RBM20: variants seen among roughly 807,000 people sequenced by gnomAD.
RBM20 encodes RNA-binding protein 20.
RBM20 carries 51 observed loss-of-function variants against 110.1 expected under a neutral mutation model. The observed-to-expected ratio is 0.46, with a 90% CI of 0.37 to 0.59. The LOEUF is 0.59. Ranked by LOEUF, RBM20 falls within the 20% of genes least tolerant of loss-of-function variation. The pLI, the probability that RBM20 is intolerant of heterozygous loss-of-function variation, is 0.00. For synonymous variants in RBM20, 589 were observed against 618.2 expected (o/e 0.95, Z 0.70); for missense variants, 1,512 against 1,574.9 (o/e 0.96, Z 0.68).
intron 1 of RBM20, among the ~76,000 whole-genome samples, chr10:110,667,437 T>C (rs1213323304): frequency 1.3e-5 from 2 of 152,130 alleles, no homozygotes; most frequent in South Asian, 2.1e-4. Flanking sequence ...TATTTTGTCA[T>C]GTGGCTTGAT....
At chr10:110,801,077 T>A (rs112338804) in intron 7 of RBM20, among the ~76,000 whole-genome samples, 7 of 152,326 alleles carry the variant, frequency 4.6e-5, no homozygotes, top group African/African-American at 1.2e-4. Flanking sequence ...CTTTCCTAGA[T>A]GATAGCAAGC....
In RBM20 at chr10:110,752,437, A is replaced by G. The variant is rs138894601; in HGVS notation, c.192-28364A>G. On this transcript the variant is annotated intron_variant, in intron 1 of 13. Coordinates refer to ENST00000369519, the MANE Select transcript of RBM20 (RefSeq NM_001134363.3). ...TGAATGTATTACAGTTTATTTAGCC[A>G]TTCACCTGCTGAAAGACATCTTGGT... Among the ~76,000 whole-genome samples, 258 of 152,328 alleles carry G rather than the reference A, an allele frequency of 1.7e-3. 1 individual carries two copies. The highest frequency in any genetic ancestry group is 5.7e-3 in the African/African-American group (237 of 41,578).
intron 6 of RBM20, 57 bp downstream of exon 6, chr10:110,797,705 G>A (rs1844569665): frequency 2.0e-6 from 3 of 1,480,900 alleles, no homozygotes; most frequent in Admixed American, 2.1e-5. Flanking sequence ...ATTAGTGAAA[G>A]GGAACGATAT....
chr10:110,795,460 A>G (rs1241632692), intron 5 of RBM20, among the ~76,000 whole-genome samples: 4 of 152,218 alleles, frequency 2.6e-5, no homozygotes, highest in African/African-American at 7.2e-5. Flanking sequence ...TTGGGCTTCA[A>G]CAATTCAGGG....
At chr10:110,823,670 T>C in intron 12 of RBM20, 56 bp downstream of exon 12, 1 of 1,530,352 alleles carries the variant, frequency 6.5e-7, no homozygotes, top group South Asian at 1.2e-5. Context: ...AACAGTTCCA[T>C]AGCAACCTCA....
chr10:110,767,763 G>A, intron 1 of RBM20, among the ~76,000 whole-genome samples: 1 of 152,086 alleles, frequency 6.6e-6, no homozygotes, highest in South Asian at 2.1e-4. Context: ...TCACTTCCTA[G>A]ATGGGATGGC....
chr10:110,836,886 A>G lies in RBM20; in HGVS notation c.*908A>G, dbSNP rs1845138134. 1 of 152,240 alleles carries G rather than the reference A, an allele frequency of 6.6e-6. No individual in the cohort carries two copies. The highest frequency in any genetic ancestry group is 2.4e-5 in the African/African-American group (1 of 41,454). 9.4% of individuals were successfully genotyped at this position (152,240 alleles called of 1,614,324 possible). A position where few individuals can be genotyped will look rare whatever the true frequency, so the allele number is the denominator to read the frequency against. On this transcript the variant is annotated 3_prime_UTR_variant, in exon 14 of 14. Coordinates refer to ENST00000369519, the MANE Select transcript of RBM20 (RefSeq NM_001134363.3). ...AGCAGTTGGCGCGGGCTTAGGTTGA[A>G]TGCTGGCCTCTCTGCAAAGCACAGC...
At position 110,812,381 on chromosome 10, in the gene RBM20, C is replaced by T. The variant is rs764563338; in HGVS notation, c.1984C>T (p.Pro662Ser). 1 of 1,551,692 alleles carries T rather than the reference C, an allele frequency of 6.4e-7. No homozygotes were observed. The highest frequency in any genetic ancestry group is 8.7e-7 in the Non-Finnish European group (1 of 1,147,010). ...FTSCSSSHSP[P>S]GPSRADWGNG... ...CTCCTGCAGCTCTTCCCACAGCCCT[C>T]CGGGCCCCTCCCGGGCTGACTGGGG... Residue 662 changes from proline (P) to serine (S), a missense_variant, in exon 9 of 14, where the codon CCG becomes TCG. Physicochemically the swap from Pro to Ser is moderately conservative, Grantham distance 74. Transcript: ENST00000369519.
At chr10:110,827,737 T>C (rs1327121562) in intron 12 of RBM20, 2 of 152,156 alleles carry the variant, frequency 1.3e-5, no homozygotes, top group African/African-American at 4.8e-5. Flanking sequence ...ATAAGGGTTG[T>C]CTATTATTAT....
chr10:110,821,962 T>G (rs1384242452), intron 11 of RBM20, 27 bp downstream of exon 11: 1 of 1,549,676 alleles, frequency 6.5e-7, no homozygotes, highest in East Asian at 2.4e-5. Flanking sequence ...TCCTCACGGG[T>G]GGTCGGGTTG....
At chr10:110,645,764 A>G (rs1203680891) in intron 1 of RBM20, among the ~76,000 whole-genome samples, 1 of 152,236 alleles carries the variant, frequency 6.6e-6, no homozygotes, top group Admixed American at 6.5e-5. Flanking sequence ...CTGGTATCAT[A>G]TTTCAGAACA....
At chr10:110,831,375 C>T (rs569411442) in intron 13 of RBM20, 193 bp downstream of exon 13, 6 of 557,110 alleles carry the variant, frequency 1.1e-5, no homozygotes, top group South Asian at 2.7e-5. Context: ...TGTCTCCTTC[C>T]ACTACATGGA....
intron 1 of RBM20, among the ~76,000 whole-genome samples, chr10:110,707,010 G>A (rs1175864496): frequency 1.3e-5 from 2 of 152,090 alleles, no homozygotes; most frequent in Non-Finnish European, 2.9e-5. Flanking sequence ...GCTCTAGGAT[G>A]GCTACTTTAC....
intron 5 of RBM20, among the ~76,000 whole-genome samples, chr10:110,797,146 A>C (rs1005876419): frequency 2.0e-5 from 3 of 152,142 alleles, no homozygotes; most frequent in Non-Finnish European, 4.4e-5. Context: ...AAAAAACATT[A>C]TTATGAAATG....
intron 13 of RBM20, among the ~76,000 whole-genome samples, chr10:110,834,889 C>T (rs1845103491): frequency 6.6e-6 from 1 of 152,202 alleles, no homozygotes; most frequent in South Asian, 2.1e-4. Context: ...AAGAGCAACC[C>T]AACCTGCCTC....
intron 12 of RBM20, among the ~76,000 whole-genome samples, chr10:110,828,293 C>T (rs911669105): frequency 4.6e-5 from 7 of 152,304 alleles, no homozygotes; most frequent in East Asian, 1.9e-4. Context: ...TTCATGTCCC[C>T]GTCACATTCC....
At position 110,823,521 on chromosome 10, in the gene RBM20, T is replaced by A; in HGVS notation, c.3358T>A (p.Ser1120Thr). 1 of 1,541,922 alleles carries A rather than the reference T, an allele frequency of 6.5e-7. No individual in the cohort carries two copies. Among genetic ancestry groups the A allele is most frequent in the Non-Finnish European group, 8.7e-7 (1 of 1,144,644 alleles). Residue 1120 changes from serine to threonine, a missense_variant, in exon 12 of 14, where the codon TCA (serine) becomes ACA (threonine). Ser to Thr is a moderately conservative substitution (Grantham distance 58). Coordinates refer to ENST00000369519, the MANE Select transcript of RBM20 (RefSeq NM_001134363.3). ...YVEMKSLEVRSPEYTEVELKQ... is the reference protein window; with the variant it reads ...YVEMKSLEVRTPEYTEVELKQ... Reference sequence around the variant, plus strand: ...GGAAATGAAATCTCTGGAGGTGAGGTCACCAGAGTACACTGAAGTGGAACT... The same window carrying A: ...GGAAATGAAATCTCTGGAGGTGAGGACACCAGAGTACACTGAAGTGGAACT...
chr10:110,832,133 T>G (rs1446447972), intron 13 of RBM20, among the ~76,000 whole-genome samples: 1 of 120,788 alleles, frequency 8.3e-6, no homozygotes, highest in Non-Finnish European at 1.9e-5. Flanking sequence ...ATGTAATATA[T>G]TAGAATGTGG....
chr10:110,743,541 T>TAC (rs56256343), intron 1 of RBM20, among the ~76,000 whole-genome samples: 31,528 of 150,520 alleles, frequency 0.21, 3,761 homozygotes, highest in Middle Eastern at 0.33. Context: ...AGTTTATACA[T>TAC]ACACACACAC....
Sources: gnomAD v4.1 joint callset for allele counts (sites outside exome capture counted in the v4.1 genomes callset) on GRCh38, gnomAD v4.1.1 for gene constraint, MANE v1.5 for transcripts, NCBI Gene and HGNC (gene_info 2026-07-23, HGNC 2026-07-21) for gene names.